The following CNTLN variants were observed in gnomAD, a reference collection of about 807,000 sequenced individuals.
The protein encoded by CNTLN is centlein.
Under a neutral mutation model 180.0 loss-of-function variants are expected in CNTLN, and 212 were observed. The ratio of observed to expected loss-of-function variants is 1.18; its 90% CI spans 1.05 to 1.32. The LOEUF is 1.32. CNTLN is among the 40% of genes most tolerant of loss of function. The pLI is 0.00. For synonymous variants in CNTLN, 722 were observed against 563.1 expected (o/e 1.28, Z -3.99); for missense variants, 2,095 against 1,610.9 (o/e 1.30, Z -5.14).
intron 5 of CNTLN, 24 bp downstream of exon 5, chr9:17,236,612 T>C: frequency 6.4e-7 from 1 of 1,557,934 alleles, no homozygotes; most frequent in Non-Finnish European, 8.7e-7. Context: ...ATGGAATCCA[T>C]ACTCCTCTTT....
chr9:17,166,200 A>C (rs1159759155), intron 2 of CNTLN, among the ~76,000 whole-genome samples: 1 of 152,132 alleles, frequency 6.6e-6, no homozygotes, highest in Non-Finnish European at 1.5e-5. Flanking sequence ...AAACATGAAC[A>C]GGTGACAAAA....
At chr9:17,417,794 C>G (rs1403001255) in intron 18 of CNTLN, among the ~76,000 whole-genome samples, 3 of 151,614 alleles carry the variant, frequency 2.0e-5, no homozygotes, top group Non-Finnish European at 4.4e-5. Context: ...TCCTTTTTTG[C>G]AATCAATTTT....
intron 7 of CNTLN, among the ~76,000 whole-genome samples, chr9:17,308,007 C>G (rs1051920489): frequency 4.6e-5 from 7 of 150,692 alleles, no homozygotes; most frequent in Non-Finnish European, 8.9e-5. Flanking sequence ...CACACACACA[C>G]ACACACACAC....
intron 2 of CNTLN, among the ~76,000 whole-genome samples, chr9:17,145,317 A>T (rs1304460705): frequency 6.6e-6 from 1 of 152,246 alleles, no homozygotes; most frequent in Admixed American, 6.5e-5. Context: ...ATTGGAAACG[A>T]TAAGTGGCAT....
chr9:17,495,819 TAA>T (rs891946267), intron 25 of CNTLN, among the ~76,000 whole-genome samples: 9 of 151,874 alleles, frequency 5.9e-5, no homozygotes, highest in Admixed American at 2.0e-4. Flanking sequence ...TACCATTTTA[TAA>T]AGTCTTCTAT....
chr9:17,466,959 A>T, intron 23 of CNTLN, 68 bp downstream of exon 23: 1 of 1,108,384 alleles, frequency 9.0e-7, no homozygotes, highest in Non-Finnish European at 1.3e-6. Flanking sequence ...CCTACTTGAG[A>T]TGATTTGGGG....
At chr9:17,292,582 TG>T (rs1285818890) in intron 6 of CNTLN, among the ~76,000 whole-genome samples, 1 of 152,142 alleles carries the variant, frequency 6.6e-6, no homozygotes, top group African/African-American at 2.4e-5. Context: ...TTCCTCTGCT[TG>T]GTCAGTTTGG....
At chr9:17,291,197 C>T (rs606382) in intron 6 of CNTLN, among the ~76,000 whole-genome samples, 5 of 152,030 alleles carry the variant, frequency 3.3e-5, no homozygotes. Flanking sequence ...TTTGTATTTG[C>T]TGAGGAGTGT....
At chr9:17,301,511 A>T in intron 7 of CNTLN, 1 of 984,648 alleles carries the variant, frequency 1.0e-6, no homozygotes, top group Non-Finnish European at 1.2e-6. Flanking sequence ...ATTGAATATC[A>T]TTTTTCTTTT....
chr9:17,224,141 T>C (rs1469920035), intron 2 of CNTLN, among the ~76,000 whole-genome samples: 1 of 152,052 alleles, frequency 6.6e-6, no homozygotes, highest in Non-Finnish European at 1.5e-5. Context: ...ATTCCTTTCT[T>C]CGTTACCCTA....
intron 3 of CNTLN, among the ~76,000 whole-genome samples, chr9:17,226,931 T>A (rs899834610): frequency 4.4e-4 from 67 of 151,466 alleles, no homozygotes; most frequent in African/African-American, 1.2e-3. Context: ...TTTTTAATTT[T>A]TATATATATA....
chr9:17,278,440 C>T (rs1212084667), intron 6 of CNTLN, among the ~76,000 whole-genome samples: 1 of 151,698 alleles, frequency 6.6e-6, no homozygotes, highest in African/African-American at 2.4e-5. Flanking sequence ...GTCTTCTTGT[C>T]CCAGAGTGTG....
intron 13 of CNTLN, among the ~76,000 whole-genome samples, chr9:17,380,966 A>G (rs75299627): frequency 0.019 from 2,869 of 152,230 alleles, 84 homozygotes; most frequent in African/African-American, 0.066. Context: ...TCTTTTGCCT[A>G]TGTTTGGAAC....
chr9:17,306,842 A>G (rs2132882419), intron 7 of CNTLN, among the ~76,000 whole-genome samples: 1 of 152,334 alleles, frequency 6.6e-6, no homozygotes, highest in African/African-American at 2.4e-5. Context: ...ACCCGAGATT[A>G]GAAAGTGGTT....
the CNTLN span, among the ~76,000 whole-genome samples, chr9:17,516,670 C>G: frequency 6.6e-6 from 1 of 152,118 alleles, no homozygotes; most frequent in Non-Finnish European, 1.5e-5. Flanking sequence ...GGTCCTATGG[C>G]CTACTTTCAT....
At chr9:17,256,629 T>A (rs796983650) in intron 5 of CNTLN, among the ~76,000 whole-genome samples, 2 of 151,920 alleles carry the variant, frequency 1.3e-5, no homozygotes, top group African/African-American at 4.8e-5. Flanking sequence ...CAGCAACTCA[T>A]TCTGTAAGGC....
At chr9:17,514,431 C>T in the CNTLN span, among the ~76,000 whole-genome samples, 1 of 152,132 alleles carries the variant, frequency 6.6e-6, no homozygotes, top group Non-Finnish European at 1.5e-5. Context: ...TCATTAACAT[C>T]GATCTAGCCT....
chr9:17,203,518 C>G (rs1364009981), intron 2 of CNTLN, among the ~76,000 whole-genome samples: 2 of 151,748 alleles, frequency 1.3e-5, no homozygotes, highest in Non-Finnish European at 2.9e-5. Context: ...TCTTGGAGGC[C>G]TTGTTTGTTC....
chr9:17,389,050 A>G (rs1825901765), intron 14 of CNTLN, among the ~76,000 whole-genome samples: 1 of 151,992 alleles, frequency 6.6e-6, no homozygotes, highest in African/African-American at 2.4e-5. Flanking sequence ...AAAGCTGAAA[A>G]TGTACAAATA....
Sources: gnomAD v4.1 joint callset for allele counts (sites outside exome capture counted in the v4.1 genomes callset) on GRCh38, gnomAD v4.1.1 for gene constraint, MANE v1.5 for transcripts, NCBI Gene and HGNC (gene_info 2026-07-23, HGNC 2026-07-21) for gene names.